The following IFNG-AS1 variants were observed in gnomAD, a reference collection of about 807,000 sequenced individuals.
IFNG-AS1 encodes the protein IFNG regulatory antisense RNA 1, also known as IFNG antisense RNA 1 (non-protein coding).
chr12:68,007,375 A>C (rs1690456644), intron 3 of IFNG-AS1, among the ~76,000 whole-genome samples: 1 of 152,254 alleles, frequency 6.6e-6, no homozygotes, highest in African/African-American at 2.4e-5. Context: ...GACTTTCTTC[A>C]TATACCCCCT....
chr12:68,009,042 C>G (rs1017903968), intron 3 of IFNG-AS1, among the ~76,000 whole-genome samples: 1 of 152,202 alleles, frequency 6.6e-6, no homozygotes, highest in African/African-American at 2.4e-5. Flanking sequence ...GGCCATTTGA[C>G]AGCTATGTGA....
chr12:67,992,649 A>C (rs1201616622), intron 1 of IFNG-AS1, among the ~76,000 whole-genome samples: 1 of 152,220 alleles, frequency 6.6e-6, no homozygotes, highest in Non-Finnish European at 1.5e-5. Context: ...TGTACAGAAT[A>C]CTGAAGTAAA....
At chr12:68,009,941 C>A (rs537053355) in intron 3 of IFNG-AS1, among the ~76,000 whole-genome samples, 5 of 152,192 alleles carry the variant, frequency 3.3e-5, no homozygotes, top group African/African-American at 1.2e-4. Flanking sequence ...AAGCAACTTC[C>A]AAAATTAAGA....
intron 3 of IFNG-AS1, among the ~76,000 whole-genome samples, chr12:68,015,956 A>T (rs967924481): frequency 6.6e-6 from 1 of 152,096 alleles, no homozygotes; most frequent in African/African-American, 2.4e-5. Context: ...GGGGGGGAAA[A>T]AAAACCTTTC....
chr12:67,994,083 A>G (rs2120413738), intron 1 of IFNG-AS1, among the ~76,000 whole-genome samples: 1 of 152,308 alleles, frequency 6.6e-6, no homozygotes, highest in East Asian at 1.9e-4. Flanking sequence ...TAACCTTCCA[A>G]GCATTGGGAG....
intron 3 of IFNG-AS1, among the ~76,000 whole-genome samples, chr12:68,007,942 A>C (rs1879942686): frequency 6.6e-6 from 1 of 152,324 alleles, no homozygotes; most frequent in South Asian, 2.1e-4. Context: ...GCTTCTTCTG[A>C]AGCAATATAA....
At chr12:68,013,853 T>G (rs934419000) in intron 3 of IFNG-AS1, among the ~76,000 whole-genome samples, 19 of 152,196 alleles carry the variant, frequency 1.2e-4, no homozygotes, top group African/African-American at 4.3e-4. Context: ...GAGTAAGTTA[T>G]TTAGTGGTGA....
At chr12:67,991,938 G>GTTA (rs1376485002) in intron 1 of IFNG-AS1, among the ~76,000 whole-genome samples, 1 of 152,184 alleles carries the variant, frequency 6.6e-6, no homozygotes, top group Non-Finnish European at 1.5e-5. Context: ...TTTGTTACAT[G>GTTA]TTATTGCTCT....
At chr12:68,020,795 C>T (rs77011676) in intron 4 of IFNG-AS1, 27 of 152,224 alleles carry the variant, frequency 1.8e-4, no homozygotes, top group African/African-American at 6.3e-4. Context: ...ACAACAAAAA[C>T]AGCAACCCAG....
At chr12:68,002,360 T>G (rs994942449) in intron 2 of IFNG-AS1, among the ~76,000 whole-genome samples, 1 of 152,186 alleles carries the variant, frequency 6.6e-6, no homozygotes, top group Non-Finnish European at 1.5e-5. Context: ...GTCAATGGAC[T>G]CTCCCCATAA....
Position 68,017,589 on chromosome 12 carries a change from A to C in IFNG-AS1, n.242-2273A>C, listed in dbSNP as rs1295071263. Among the ~76,000 whole-genome samples, 4 of 152,302 alleles carry C rather than the reference A, an allele frequency of 2.6e-5. No homozygotes were observed. The East Asian group carries it at 7.7e-4, about 29-fold the overall frequency. On this transcript the variant is annotated intron_variant and non_coding_transcript_variant, in intron 3 of 5. Transcript: ENST00000536914. Reference sequence around the variant, plus strand: ...AGGAATTACTCTCAGGGCTGTTTTGAACAATGAGCCATTTACCATTTTTGG... The same window carrying C: ...AGGAATTACTCTCAGGGCTGTTTTGCACAATGAGCCATTTACCATTTTTGG...
chr12:68,018,352 A>G (rs1044103514), intron 3 of IFNG-AS1, among the ~76,000 whole-genome samples: 26 of 152,162 alleles, frequency 1.7e-4, no homozygotes, highest in African/African-American at 6.3e-4. Flanking sequence ...GAATTTAACT[A>G]AATTAAAAGC....
chr12:68,006,862 C>G (rs577689081), intron 3 of IFNG-AS1, among the ~76,000 whole-genome samples: 1 of 152,166 alleles, frequency 6.6e-6, no homozygotes, highest in Non-Finnish European at 1.5e-5. Flanking sequence ...GATCCCTTGA[C>G]GGCAGCTTTG....
intron 2 of IFNG-AS1, among the ~76,000 whole-genome samples, chr12:67,997,030 T>C (rs937745179): frequency 6.6e-6 from 1 of 152,092 alleles, no homozygotes; most frequent in Admixed American, 6.5e-5. Flanking sequence ...CTATTTTATA[T>C]ACATAAACAA....
intron 2 of IFNG-AS1, among the ~76,000 whole-genome samples, chr12:67,996,784 G>A (rs1047743792): frequency 3.9e-5 from 6 of 152,130 alleles, no homozygotes; most frequent in African/African-American, 1.4e-4. Context: ...ATGACCTTAG[G>A]CAAACTTGTC....
chr12:68,013,974 T>C (rs775824396), intron 3 of IFNG-AS1, among the ~76,000 whole-genome samples: 1 of 152,170 alleles, frequency 6.6e-6, no homozygotes, highest in Non-Finnish European at 1.5e-5. Context: ...CCAAAGTCCA[T>C]TGTATCATTC....
At position 67,999,451 on chromosome 12, in the gene IFNG-AS1, C is replaced by T. The variant is rs538852906; in HGVS notation, n.184+3378C>T. Among the ~76,000 whole-genome samples the T allele has an allele frequency of 4.5e-4, 68 of 152,058 alleles. 1 individual carries two copies. The South Asian group carries it at 0.014, about 30-fold the overall frequency. The stretch of plus-strand genomic sequence containing the variant: ...AAGATTATCCTGGAACATCTTGTGC[C>T]AGAAAGAAAAGAAGCAGTAAGAACA... On this transcript the variant is annotated intron_variant and non_coding_transcript_variant, in intron 2 of 5. Coordinates refer to ENST00000536914, the Ensembl canonical transcript of IFNG-AS1.
intron 2 of IFNG-AS1, among the ~76,000 whole-genome samples, chr12:67,996,987 A>G (rs1326248132): frequency 6.6e-6 from 1 of 152,160 alleles, no homozygotes; most frequent in Non-Finnish European, 1.5e-5. Context: ...ATAATATAAA[A>G]TAGCAGGATA....
chr12:67,997,505 G>T (rs927235353), intron 2 of IFNG-AS1, among the ~76,000 whole-genome samples: 8 of 151,546 alleles, frequency 5.3e-5, no homozygotes, highest in African/African-American at 1.9e-4. Context: ...CAATGAAAAA[G>T]AGATATAATA....
Sources: allele counts gnomAD v4.1 joint callset (sites outside exome capture counted in the v4.1 genomes callset), GRCh38; gene constraint gnomAD v4.1.1; transcripts MANE v1.5; gene names NCBI Gene and HGNC (gene_info 2026-07-23, HGNC 2026-07-21).